ACP5: variants seen among roughly 807,000 people sequenced by gnomAD.
ACP5 encodes the protein tartrate-resistant acid phosphatase type 5.
ACP5 carries 24 observed loss-of-function variants against 28.7 expected under a neutral mutation model. The ratio of observed to expected loss-of-function variants is 0.84; its 90% CI spans 0.61 to 1.18. ACP5 has a LOEUF of 1.18. Ranked by LOEUF, ACP5 falls within the 50% of genes most tolerant of loss-of-function variation. The pLI, the probability that ACP5 is intolerant of heterozygous loss-of-function variation, is 0.00. For missense variants in ACP5, 354 were observed against 422.2 expected, an observed-to-expected ratio of 0.84 and a Z score of 1.42; for synonymous variants, 154 against 181.4, an observed-to-expected ratio of 0.85 and a Z score of 1.21.
rs3035420 is a variant in ACP5 at position 11,576,006 on chromosome 19, C to CAAAAAAAAAAAAAAAAAAAA, written c.735+236_735+237insTTTTTTTTTTTTTTTTTTTT. Among the ~76,000 whole-genome samples, 253 of 52,564 alleles carry CAAAAAAAAAAAAAAAAAAAA rather than the reference C, an allele frequency of 4.8e-3. 2 individuals carry two copies. The highest frequency in any genetic ancestry group is 6.5e-3 in the Non-Finnish European group (184 of 28,242). The allele number at this position is 52,564 out of a possible 152,430, so 34.5% of individuals were successfully genotyped here. A position where few individuals can be genotyped will look rare whatever the true frequency, so the allele number is the denominator to read the frequency against. On this transcript the variant is annotated intron_variant, in intron 4 of 4. Coordinates refer to ENST00000648477, the MANE Select transcript of ACP5 (RefSeq NM_001611.5). ...GTGAAAAACAATGAAACCTTGTCTC[C>CAAAAAAAAAAAAAAAAAAAA]AAAAAAAAAAAAAAAAAAGAGCTTA...
intron 2 of ACP5, 61 bp downstream of exon 2, chr19:11,576,996 G>A: frequency 1.2e-6 from 2 of 1,611,512 alleles, no homozygotes; most frequent in Non-Finnish European, 1.7e-6. Flanking sequence ...AGGTCACTAG[G>A]TAAGGCGGCT....
chr19:11,575,566 A>T (rs1260253574), intron 4 of ACP5: 4 of 384,286 alleles, frequency 1.0e-5, no homozygotes, highest in South Asian at 2.3e-5. Flanking sequence ...CTACAAAAAA[A>T]ATGCGCAAGG....
In ACP5 at chr19:11,576,804, T is replaced by C. The variant is rs1402013703; in HGVS notation, c.301A>G (p.Lys101Glu). 1 of 1,613,982 alleles carries C rather than the reference T, an allele frequency of 6.2e-7. No homozygotes were observed. The highest frequency in any genetic ancestry group is 1.3e-5 in the African/African-American group (1 of 74,900). The change falls in exon 3 of 5, where the codon AAA (lysine) becomes GAA (glutamate). Residue 101 changes from lysine to glutamate, a missense_variant. Coordinates refer to ENST00000648477, the MANE Select transcript of ACP5 (RefSeq NM_001611.5). Reference sequence around the variant, plus strand: ...CCGGCTAGCACGTACCAGGGCACTTTGCGAAGGGAGCGGTCAGAGAATACG... The same window carrying C: ...CCGGCTAGCACGTACCAGGGCACTTCGCGAAGGGAGCGGTCAGAGAATACG... ...EDVFSDRSLR[K>E]VPWYVLAGNH...
In ACP5 at chr19:11,577,584, A is replaced by C. The variant is rs1187801532; in HGVS notation, c.-1+9T>G. On this transcript the variant is annotated intron_variant, in intron 1 of 4. Coordinates refer to ENST00000648477, the MANE Select transcript of ACP5 (RefSeq NM_001611.5). This position sits in a 1 kb window ranked among gnomAD's most constrained non-coding sequence, Gnocchi z 5.7. ...CACCCTCCTTCCACCTAGCCTGCCC[A>C]GCACTCACCCAGGGGGAGACACAGG... 5.3e-6 allele frequency: 3 copies of C among 562,782 alleles called. No individual in the cohort carries two copies. In the East Asian group the frequency reaches 9.2e-5, roughly 17 times the overall value. 34.9% of individuals were successfully genotyped at this position (562,782 alleles called of 1,614,324 possible). A position where few individuals can be genotyped will look rare whatever the true frequency, so the allele number is the denominator to read the frequency against.
At chr19:11,576,677 ATG>A (rs768647004) in intron 3 of ACP5, 37 bp downstream of exon 3, 1 of 1,613,932 alleles carries the variant, frequency 6.2e-7, no homozygotes, top group East Asian at 2.2e-5. Flanking sequence ...TGTCCCTGCT[ATG>A]TGAGGATCTC....
chr19:11,576,190 C>T, intron 4 of ACP5, 53 bp downstream of exon 4: 2 of 1,521,610 alleles, frequency 1.3e-6, no homozygotes, highest in South Asian at 2.3e-5. Context: ...TGGACATCAG[C>T]TGGGATGGGG....
upstream of ACP5, chr19:11,578,107 C>G (rs934151296): frequency 1.3e-5 from 2 of 153,738 alleles, no homozygotes; most frequent in African/African-American, 4.8e-5. Context: ...GATGGTGTTG[C>G]TGCAGACATG....
rs371591030 is a variant in ACP5 at position 11,577,152 on chromosome 19, G to C, written c.166C>G (p.Arg56Gly). The C allele has an allele frequency of 1.2e-6, 2 of 1,614,164 alleles. No individual in the cohort carries two copies. Among genetic ancestry groups the C allele is most frequent in the African/African-American group, 2.7e-5 (2 of 75,052 alleles). The change falls in exon 2 of 5, where the codon CGG (arginine) becomes GGG (glycine). Residue 56 changes from arginine to glycine, a missense_variant. Physicochemically the swap from Arg to Gly is moderately radical, Grantham distance 125 (BLOSUM62 -2). Transcript: ENST00000648477. The surrounding 1 kb of genome is among the most constrained non-coding windows in gnomAD (Gnocchi z 5.7). Reference sequence around the variant, plus strand: ...TCTGCACCCAGGATCTGCACAGTCCGAGCGATCTCCTTGGCATTGGCCATT... The same window carrying C: ...TCTGCACCCAGGATCTGCACAGTCCCAGCGATCTCCTTGGCATTGGCCATT... ...REMANAKEIA[R>G]TVQILGADFI... is the part of the protein sequence containing the mutation.
chr19:11,578,851 C>T (rs1207006027), upstream of ACP5: 2 of 152,274 alleles, frequency 1.3e-5, no homozygotes, highest in Non-Finnish European at 2.9e-5. Flanking sequence ...CACCTGCCGT[C>T]GCGGGGCGGG....
intron 4 of ACP5, among the ~76,000 whole-genome samples, chr19:11,576,005 C>CTAAAAAA (rs1973124984): frequency 2.1e-5 from 1 of 47,374 alleles, no homozygotes; most frequent in Non-Finnish European, 3.8e-5. Context: ...AACCTTGTCT[C>CTAAAAAA]CAAAAAAAAA....
In ACP5 at chr19:11,577,282, G is replaced by A; in HGVS notation, c.36C>T (p.Ala12=). Residue 12 remains alanine (A), a synonymous_variant, in exon 2 of 5, where the codon GCC becomes GCT. Transcript: ENST00000648477. This position sits in a 1 kb window ranked among gnomAD's most constrained non-coding sequence, Gnocchi z 5.7. ...DMWTALLILQ[A]LLLPSLADGA... ...CATCAGCCAGGGAGGGTAGCAACAA[G>A]GCTTGCAGGATGAGCAGCGCCGTCC... is the stretch of plus-strand genomic sequence containing the variant. 1 of 1,614,164 alleles carries A rather than the reference G, an allele frequency of 6.2e-7. No individual in the cohort carries two copies. The highest frequency in any genetic ancestry group is 8.5e-7 in the Non-Finnish European group (1 of 1,180,000).
Position 11,574,982 on chromosome 19 carries a change from G to A in ACP5, c.*28C>T, listed in dbSNP as rs371221963. On this transcript the variant is annotated 3_prime_UTR_variant, in exon 5 of 5. Coordinates refer to ENST00000648477, the MANE Select transcript of ACP5 (RefSeq NM_001611.5). ...CCCACCCACCCAACAGTGGAGATCG[G>A]GCCTCAGAGCTGGGCAGTCATGGGA... 8.1e-6 allele frequency: 13 copies of A among 1,613,582 alleles called. No individual in the cohort carries two copies. In the African/African-American group the frequency reaches 1.6e-4, roughly 20 times the overall value.
Position 11,577,134 on chromosome 19 carries a change from C to T in ACP5, c.184G>A (p.Gly62Ser). The stretch of plus-strand genomic sequence containing the variant: ...CCTAGAGACAGGATGAAGTCTGCAC[C>T]CAGGATCTGCACAGTCCGAGCGATC... The part of the protein sequence containing the change: ...KEIARTVQIL[G>S]ADFILSLGDN... Residue 62 changes from glycine (G) to serine (S), a missense_variant, in exon 2 of 5, where the codon GGT becomes AGT. Coordinates refer to ENST00000648477, the MANE Select transcript of ACP5 (RefSeq NM_001611.5). This position sits in a 1 kb window ranked among gnomAD's most constrained non-coding sequence, Gnocchi z 5.7. The T allele has an allele frequency of 6.2e-7, 1 of 1,614,180 alleles. No individual in the cohort carries two copies.
chr19:11,576,757 A>G lies in ACP5; in HGVS notation c.348T>C (p.Asn116=), dbSNP rs762413067. Residue 116 remains asparagine (N), a synonymous_variant, in exon 3 of 5, where the codon AAT becomes AAC. Transcript: ENST00000648477. ...VLAGNHDHLG[N]VSAQIAYSKI... is the part of the protein sequence containing the mutation. ...TAGAGTATGCAATCTGGGCAGAGACATTGCCAAGGTGGTCATGGTTTCCGG... is the reference window on the plus strand; with the variant it reads ...TAGAGTATGCAATCTGGGCAGAGACGTTGCCAAGGTGGTCATGGTTTCCGG... 3.7e-6 allele frequency: 6 copies of G among 1,614,002 alleles called. No homozygotes were observed. Among genetic ancestry groups the G allele is most frequent in the Non-Finnish European group, 5.1e-6 (6 of 1,179,984 alleles).
Position 11,575,018 on chromosome 19 carries a change from T to C in ACP5, c.970A>G (p.Arg324Gly), listed in dbSNP as rs771662520. The C allele has an allele frequency of 6.2e-7, 1 of 1,614,196 alleles. No individual in the cohort carries two copies. Among genetic ancestry groups the C allele is most frequent in the Admixed American group, 1.7e-5 (1 of 60,026 alleles). Residue 324 changes from arginine to glycine, a missense_variant, in exon 5 of 5, where the codon AGG becomes GGG. Transcript: ENST00000648477. Reference sequence around the variant, plus strand: ...TGGGCAGTCATGGGAGTTCAGGGCCTGGCTCGCCTCGGCAGCCTGGTCTTA... The same window carrying C: ...TGGGCAGTCATGGGAGTTCAGGGCCCGGCTCGCCTCGGCAGCCTGGTCTTA... ...LFKTRLPRRA[R>G]P
In ACP5 at chr19:11,574,957, C is replaced by T; in HGVS notation, c.*53G>A. 1 of 1,611,204 alleles carries T rather than the reference C, an allele frequency of 6.2e-7. No individual in the cohort carries two copies. Among genetic ancestry groups the T allele is most frequent in the South Asian group, 1.1e-5 (1 of 90,766 alleles). ...GCCTGTGAGCAGGGTCCCGGCAGGG[C>T]CCACCCACCCAACAGTGGAGATCGG... On this transcript the variant is annotated 3_prime_UTR_variant, in exon 5 of 5. Coordinates refer to ENST00000648477, the MANE Select transcript of ACP5 (RefSeq NM_001611.5).
At chr19:11,576,928 T>C in intron 2 of ACP5, 85 bp from the exon 3 acceptor site, 5 of 1,609,342 alleles carry the variant, frequency 3.1e-6, no homozygotes, top group Non-Finnish European at 3.4e-6. Context: ...AGGGAGACAC[T>C]GAATGCTCCC....
chr19:11,574,886 TC>T lies in ACP5; in HGVS notation c.*123del. 1 of 1,140,330 alleles carries T rather than the reference TC, an allele frequency of 8.8e-7. No homozygotes were observed. The highest frequency in any genetic ancestry group is 1.5e-5 in the African/African-American group (1 of 65,390). 70.6% of individuals were successfully genotyped at this position (1,140,330 alleles called of 1,614,324 possible). On this transcript the variant is annotated 3_prime_UTR_variant, in exon 5 of 5. Coordinates refer to ENST00000648477, the MANE Select transcript of ACP5 (RefSeq NM_001611.5). ...GGCACCACAGTTCATCAGCTGTGTT[TC>T]CCCTTCCTGCCCTGCTGCAGCGCCA...
upstream of ACP5, chr19:11,577,902 G>A (rs1038457737): frequency 9.7e-6 from 2 of 206,708 alleles, no homozygotes; most frequent in African/African-American, 4.6e-5. This position sits in a 1 kb window ranked among gnomAD's most constrained non-coding sequence, Gnocchi z 5.7. Flanking sequence ...GACACGTCCA[G>A]GTATCTCTGT....
Sources: allele counts gnomAD v4.1 joint callset (sites outside exome capture counted in the v4.1 genomes callset), GRCh38; gene constraint gnomAD v4.1.1; non-coding constraint Gnocchi (gnomAD v3.1); transcripts MANE v1.5; gene names NCBI Gene and HGNC (gene_info 2026-07-23, HGNC 2026-07-21).